TRAF3: variants seen among roughly 807,000 people sequenced by gnomAD.
The protein encoded by TRAF3 is TNF receptor-associated factor 3.
A neutral mutation model predicts 62.3 loss-of-function variants in TRAF3; 13 were observed. The observed-to-expected ratio is 0.21, with a 90% CI of 0.14 to 0.33. The LOEUF (loss-of-function observed/expected upper bound fraction) is 0.33. Among genes scored for constraint, TRAF3 ranks in the 10% least tolerant of loss-of-function variants. TRAF3 has a pLI of 1.00. For missense variants in TRAF3, 440 were observed against 741.8 expected, an observed-to-expected ratio of 0.59 and a Z score of 4.73; for synonymous variants, 269 against 283.4, an observed-to-expected ratio of 0.95 and a Z score of 0.51.
At chr14:102,877,548 C>T (rs925843721) in intron 6 of TRAF3, among the ~76,000 whole-genome samples, 6 of 149,776 alleles carry the variant, frequency 4.0e-5, no homozygotes, top group African/African-American at 1.2e-4. Context: ...ATCCATTCCA[C>T]AGGACTTCTG....
At chr14:102,835,078 A>G (rs1311941741) in intron 2 of TRAF3, among the ~76,000 whole-genome samples, 6 of 152,218 alleles carry the variant, frequency 3.9e-5, no homozygotes, top group South Asian at 2.1e-4. Flanking sequence ...CAACCCCATT[A>G]AAAAGTGGGC....
chr14:102,871,803 G>T (rs1566787077), intron 3 of TRAF3, 114 bp from the exon 4 acceptor site: 2 of 919,768 alleles, frequency 2.2e-6, no homozygotes, highest in Non-Finnish European at 3.6e-6. Flanking sequence ...AGCTCTGCTG[G>T]TTGCTGTGAG....
chr14:102,815,453 AAC>A (rs1375888378), intron 1 of TRAF3, among the ~76,000 whole-genome samples: 17 of 152,096 alleles, frequency 1.1e-4, no homozygotes, highest in Admixed American at 9.8e-4. Context: ...TGCAGCCTTG[AAC>A]ACTTGGGCTC....
In TRAF3 at chr14:102,826,703, T is replaced by C. The variant is rs1900333757; in HGVS notation, c.-156-3631T>C. Among the ~76,000 whole-genome samples the C allele has an allele frequency of 6.6e-6, 1 of 152,154 alleles. No individual in the cohort carries two copies. Reference sequence around the variant, plus strand: ...TTAATTTGTTTATTCATTCGTGCAGTCCTTCACCTCACACCTGTTCAGGGT... The same window carrying C: ...TTAATTTGTTTATTCATTCGTGCAGCCCTTCACCTCACACCTGTTCAGGGT... On this transcript the variant is annotated intron_variant, in intron 1 of 11. Coordinates refer to ENST00000392745, the MANE Select transcript of TRAF3 (RefSeq NM_145725.3). This position sits in a 1 kb window ranked among gnomAD's most constrained non-coding sequence, Gnocchi z 4.6.
At chr14:102,898,558 T>C (rs1890118285) in intron 10 of TRAF3, among the ~76,000 whole-genome samples, 1 of 152,180 alleles carries the variant, frequency 6.6e-6, no homozygotes, top group Admixed American at 6.5e-5. Flanking sequence ...CATGAGATTA[T>C]TGCTGTGTTT....
chr14:102,779,364 C>T (rs1375741558), intron 1 of TRAF3, among the ~76,000 whole-genome samples: 2 of 146,378 alleles, frequency 1.4e-5, no homozygotes, highest in East Asian at 2.1e-4. Context: ...GATGCTGTCC[C>T]TTCTTTTGGA....
chr14:102,791,508 G>C (rs2139413684), intron 1 of TRAF3, among the ~76,000 whole-genome samples: 1 of 152,170 alleles, frequency 6.6e-6, no homozygotes. Flanking sequence ...CTGGTATATA[G>C]AAACAACTGA....
rs1279035305 is a variant in TRAF3 at position 102,905,221 on chromosome 14, G to A, written c.1144G>A (p.Glu382Lys). 6.2e-7 allele frequency: 1 copy of A among 1,613,560 alleles called. No individual in the cohort carries two copies. The highest frequency in any genetic ancestry group is 1.7e-5 in the Admixed American group (1 of 60,034). The change falls in exon 12 of 12, where the codon GAG (glutamate) becomes AAG (lysine). Residue 382 changes from glutamate (E) to lysine (K), a missense_variant. Physicochemically the swap from Glu to Lys is moderately conservative, Grantham distance 56. This residue lies in a region of TRAF3 where 41 missense variants were observed against 40.0 expected (regional missense o/e 1.03). Transcript: ENST00000392745. ...GQVARNTGLL[E>K]SQLSRHDQML... ...CTCCTCACCTGTGGCAGGCCTGCTG[G>A]AGTCCCAGCTGAGCCGGCATGACCA...
At chr14:102,843,135 A>G (rs1317917295) in intron 2 of TRAF3, among the ~76,000 whole-genome samples, 1 of 151,402 alleles carries the variant, frequency 6.6e-6, no homozygotes, top group Non-Finnish European at 1.5e-5. Context: ...CCCGGGAGGC[A>G]GAGGTTGCAG....
intron 1 of TRAF3, among the ~76,000 whole-genome samples, chr14:102,789,635 A>G (rs1897695678): frequency 1.3e-5 from 2 of 150,800 alleles, no homozygotes; most frequent in African/African-American, 4.9e-5. Flanking sequence ...GTATGTGTAT[A>G]TGTATGTATA....
intron 2 of TRAF3, among the ~76,000 whole-genome samples, chr14:102,843,059 T>C (rs1039387553): frequency 6.6e-6 from 1 of 151,596 alleles, no homozygotes; most frequent in African/African-American, 2.4e-5. Context: ...AAAAATTAGC[T>C]GGGTGTGGTG....
chr14:102,837,990 G>A (rs984929766), intron 2 of TRAF3, among the ~76,000 whole-genome samples: 7 of 152,186 alleles, frequency 4.6e-5, no homozygotes, highest in Admixed American at 4.6e-4. Flanking sequence ...CAGCATAACT[G>A]TTGATTCTTA....
At chr14:102,870,993 G>A (rs892387070) in intron 3 of TRAF3, among the ~76,000 whole-genome samples, 45 of 152,246 alleles carry the variant, frequency 3.0e-4, no homozygotes, top group Non-Finnish European at 5.7e-4. Context: ...GCAGGCTGGA[G>A]CTTTACTGCA....
intron 1 of TRAF3, among the ~76,000 whole-genome samples, chr14:102,821,435 C>A (rs532720822): frequency 6.6e-6 from 1 of 152,218 alleles, no homozygotes; most frequent in East Asian, 1.9e-4. Flanking sequence ...GCATTTTGGG[C>A]CTTTATGAGC....
At chr14:102,788,650 T>G (rs1253425711) in intron 1 of TRAF3, among the ~76,000 whole-genome samples, 2 of 152,110 alleles carry the variant, frequency 1.3e-5, no homozygotes, top group Non-Finnish European at 1.5e-5. Context: ...ATAGAAAAAT[T>G]AGCTGGGCGT....
At chr14:102,782,808 TCC>T (rs1456199768) in intron 1 of TRAF3, among the ~76,000 whole-genome samples, 1 of 152,164 alleles carries the variant, frequency 6.6e-6, no homozygotes, top group African/African-American at 2.4e-5. Context: ...TGATTTCCTT[TCC>T]AGCTGAAACA....
At chr14:102,816,218 T>G (rs1324420948) in intron 1 of TRAF3, among the ~76,000 whole-genome samples, 1 of 151,988 alleles carries the variant, frequency 6.6e-6, no homozygotes, top group Non-Finnish European at 1.5e-5. Flanking sequence ...TCCTCTCACC[T>G]CAGCCCCCCA....
chr14:102,822,658 C>T (rs1037969735), intron 1 of TRAF3, among the ~76,000 whole-genome samples: 9 of 152,144 alleles, frequency 5.9e-5, no homozygotes, highest in African/African-American at 2.2e-4. Flanking sequence ...TTTTACACAC[C>T]GGTTGACTCA....
chr14:102,778,894 C>A (rs1477484408), intron 1 of TRAF3, among the ~76,000 whole-genome samples: 1 of 152,184 alleles, frequency 6.6e-6, no homozygotes, highest in Non-Finnish European at 1.5e-5. Flanking sequence ...TGTGAACAGA[C>A]TGCATCATAT....
Sources: allele counts gnomAD v4.1 joint callset (sites outside exome capture counted in the v4.1 genomes callset), GRCh38; gene constraint gnomAD v4.1.1; regional missense constraint gnomAD v4.1.1; non-coding constraint Gnocchi (gnomAD v3.1); transcripts MANE v1.5; gene names NCBI Gene and HGNC (gene_info 2026-07-23, HGNC 2026-07-21).